MARCHF1: variants seen among roughly 807,000 people sequenced by gnomAD.
MARCHF1 encodes E3 ubiquitin-protein ligase MARCHF1.
Under a neutral mutation model 54.2 loss-of-function variants are expected in MARCHF1, and 40 were observed. The ratio of observed to expected loss-of-function variants is 0.74; its 90% CI spans 0.57 to 0.96. MARCHF1 has a LOEUF of 0.96. Ranked by LOEUF, MARCHF1 falls within the 40% of genes least tolerant of loss-of-function variation. MARCHF1 has a pLI of 0.00. For missense variants in MARCHF1, 586 were observed against 656.5 expected (o/e 0.89, Z 1.17); for synonymous variants, 236 against 236.3 (o/e 1.00, Z 0.01).
intron 3 of MARCHF1, among the ~76,000 whole-genome samples, chr4:163,857,024 A>AAATAAATG (rs1200967720): frequency 6.9e-6 from 1 of 144,620 alleles, no homozygotes; most frequent in Non-Finnish European, 1.5e-5. Context: ...AAAAATAAAT[A>AAATAAATG]AATAAATAAA....
intron 1 of MARCHF1, among the ~76,000 whole-genome samples, chr4:164,292,879 A>G (rs530400630): frequency 1.3e-5 from 2 of 152,296 alleles, no homozygotes; most frequent in South Asian, 4.1e-4. Flanking sequence ...CCTTCCCTAC[A>G]GGTTGGTATA....
intron 1 of MARCHF1, among the ~76,000 whole-genome samples, chr4:164,318,244 T>C (rs1028601379): frequency 2.6e-5 from 4 of 152,174 alleles, no homozygotes; most frequent in African/African-American, 7.2e-5. Context: ...ACTTGTGCTC[T>C]AGAAAAAGAC....
chr4:164,123,446 A>T (rs1379553134), intron 1 of MARCHF1, among the ~76,000 whole-genome samples: 1 of 152,148 alleles, frequency 6.6e-6, no homozygotes, highest in Non-Finnish European at 1.5e-5. Flanking sequence ...ATAAAAATTT[A>T]AAATCCTAAA....
intron 3 of MARCHF1, chr4:163,932,712 G>T: frequency 1.9e-6 from 1 of 529,072 alleles, no homozygotes; most frequent in South Asian, 1.6e-5. Flanking sequence ...CTTAAACATC[G>T]AGCAGAAGAC....
At chr4:164,067,731 G>T (rs1213504796) in intron 2 of MARCHF1, among the ~76,000 whole-genome samples, 3 of 152,070 alleles carry the variant, frequency 2.0e-5, no homozygotes, top group African/African-American at 7.2e-5. Flanking sequence ...ATTGATAAAT[G>T]GTCCTAATTA....
intron 2 of MARCHF1, among the ~76,000 whole-genome samples, chr4:164,055,443 C>CAA (rs55924377): frequency 0.035 from 4,887 of 138,918 alleles, 112 homozygotes; most frequent in Middle Eastern, 0.12. Flanking sequence ...CACCCTGTCT[C>CAA]AAAAAAAAAA....
intron 4 of MARCHF1, among the ~76,000 whole-genome samples, chr4:163,800,009 T>C (rs60478162): frequency 0.024 from 3,595 of 152,224 alleles, 125 homozygotes; most frequent in African/African-American, 0.078. Flanking sequence ...CCGGAGGCCA[T>C]TATGCTAAGT....
intron 5 of MARCHF1, among the ~76,000 whole-genome samples, chr4:163,671,273 A>G (rs1743727242): frequency 6.6e-6 from 1 of 152,192 alleles, no homozygotes; most frequent in Non-Finnish European, 1.5e-5. Context: ...TATTTTCAGG[A>G]AAATGTAATT....
chr4:164,272,358 C>A (rs1733764598), intron 1 of MARCHF1, among the ~76,000 whole-genome samples: 1 of 151,962 alleles, frequency 6.6e-6, no homozygotes, highest in Admixed American at 6.6e-5. Flanking sequence ...AAATAAAAGA[C>A]ACCCAATTTT....
intron 8 of MARCHF1, among the ~76,000 whole-genome samples, chr4:163,553,575 T>A (rs1055813324): frequency 6.6e-6 from 1 of 152,200 alleles, no homozygotes; most frequent in Non-Finnish European, 1.5e-5. Flanking sequence ...AGCTAAAAGA[T>A]GGCACAATGA....
chr4:163,610,671 A>G (rs1741307304), intron 7 of MARCHF1, among the ~76,000 whole-genome samples: 1 of 152,112 alleles, frequency 6.6e-6, no homozygotes, highest in African/African-American at 2.4e-5. Context: ...GCAAACATAC[A>G]TATAGATCAT....
intron 4 of MARCHF1, among the ~76,000 whole-genome samples, chr4:163,806,031 G>C (rs146104753): frequency 6.6e-6 from 1 of 152,164 alleles, no homozygotes; most frequent in East Asian, 1.9e-4. Flanking sequence ...TTCTTCAGAG[G>C]ATGGTTGGAT....
intron 3 of MARCHF1, among the ~76,000 whole-genome samples, chr4:163,901,101 A>G (rs951229125): frequency 1.5e-4 from 23 of 152,190 alleles, no homozygotes; most frequent in Non-Finnish European, 8.8e-5. Context: ...TAAGTGATGC[A>G]TACTGTAGAA....
intron 5 of MARCHF1, among the ~76,000 whole-genome samples, chr4:163,696,406 GAA>G (rs1744634906): frequency 6.6e-6 from 1 of 152,042 alleles, no homozygotes; most frequent in Non-Finnish European, 1.5e-5. Context: ...TACTCATTAA[GAA>G]AAGTCTCAAG....
chr4:164,038,763 T>G (rs1479519107), intron 2 of MARCHF1, among the ~76,000 whole-genome samples: 1 of 152,220 alleles, frequency 6.6e-6, no homozygotes, highest in African/African-American at 2.4e-5. Flanking sequence ...GAAAACTATG[T>G]GCTAATTTGT....
At chr4:163,799,472 A>T (rs962515163) in intron 4 of MARCHF1, among the ~76,000 whole-genome samples, 1 of 152,106 alleles carries the variant, frequency 6.6e-6, no homozygotes, top group African/African-American at 2.4e-5. Context: ...AATAAATTTA[A>T]TTTTTTGCTA....
At chr4:163,751,829 A>G (rs1746531122) in intron 4 of MARCHF1, among the ~76,000 whole-genome samples, 2 of 120,520 alleles carry the variant, frequency 1.7e-5, no homozygotes, top group Non-Finnish European at 1.9e-5. Context: ...TGTGTGTGTG[A>G]TGAGGAAATT....
intron 5 of MARCHF1, among the ~76,000 whole-genome samples, chr4:163,687,514 T>C (rs969810496): frequency 6.6e-6 from 1 of 152,220 alleles, no homozygotes; most frequent in African/African-American, 2.4e-5. Flanking sequence ...ATAAATAATT[T>C]ATTAAAGATC....
intron 3 of MARCHF1, among the ~76,000 whole-genome samples, chr4:163,893,548 A>G (rs1750710332): frequency 6.6e-6 from 1 of 152,188 alleles, no homozygotes; most frequent in South Asian, 2.1e-4. Flanking sequence ...TGGCCATGGA[A>G]AATAATTTTC....
Sources: gnomAD v4.1 joint callset for allele counts (sites outside exome capture counted in the v4.1 genomes callset) on GRCh38, gnomAD v4.1.1 for gene constraint, MANE v1.5 for transcripts, NCBI Gene and HGNC (gene_info 2026-07-23, HGNC 2026-07-21) for gene names.